USP9X: variants seen among roughly 807,000 people sequenced by gnomAD.
USP9X encodes the protein ubiquitin carboxyl-terminal hydrolase 9X.
USP9X carries 7 observed loss-of-function variants against 190.3 expected under a neutral mutation model. The observed-to-expected ratio is 0.04, with a 90% CI of 0.02 to 0.07. The LOEUF is 0.07. Ranked by LOEUF, USP9X falls within the 10% of genes least tolerant of loss-of-function variation. USP9X has a pLI of 1.00. For missense variants in USP9X, 1,010 were observed against 1,916.9 expected, an observed-to-expected ratio of 0.53 and a Z score of 8.83; for synonymous variants, 645 against 659.5, an observed-to-expected ratio of 0.98 and a Z score of 0.34.
chrX:41,152,898 A>T (rs140480447), intron 13 of USP9X, 50 bp from the exon 14 acceptor site: 3 of 1,162,677 alleles, frequency 2.6e-6, no homozygotes, highest in Non-Finnish European at 3.5e-6. Flanking sequence ...TCTTCTGGTT[A>T]CAACAGAGTT....
At chrX:41,127,342 G>A (rs1268519823) in intron 2 of USP9X, among the ~76,000 whole-genome samples, 1 of 111,703 alleles carries the variant, frequency 9.0e-6, no homozygotes, top group African/African-American at 3.3e-5. Context: ...AGAGACTTAT[G>A]TATAATTCCA....
rs3788876 is a variant in USP9X, at chrX:41,198,886, A to T, written c.4603+136A>T. On this transcript the variant is annotated intron_variant, in intron 30 of 44. Transcript: ENST00000378308. The stretch of plus-strand genomic sequence containing the variant: ...GTTTAACATTTTTAGTGAGTGAATG[A>T]ACAGTTAAGACCATTATAGGCCGGG... 75,552 of 632,938 alleles carry T rather than the reference A, an allele frequency of 0.12. 3,847 individuals carry two copies. The highest frequency in any genetic ancestry group is 0.25 in the Admixed American group (7,487 of 29,842). The allele number at this position is 632,938 out of a possible 1,213,427, so 52.2% of individuals were successfully genotyped here.
chrX:41,219,370 C>T, intron 38 of USP9X, 139 bp downstream of exon 38: 1 of 592,812 alleles, frequency 1.7e-6, no homozygotes. Flanking sequence ...TTTATCTGAA[C>T]ATGGCACTTT....
intron 22 of USP9X, 25 bp from the exon 23 acceptor site, chrX:41,184,372 C>G (rs1038323425): frequency 8.9e-5 from 106 of 1,190,072 alleles, no homozygotes; most frequent in Non-Finnish European, 1.1e-4. Context: ...ATACAGCCCT[C>G]TCCCCCTCTT....
At chrX:41,187,186 C>A (rs542030564) in intron 24 of USP9X, among the ~76,000 whole-genome samples, 1 of 112,143 alleles carries the variant, frequency 8.9e-6, no homozygotes. Context: ...CGGTCGAAAC[C>A]GAATGTTTTC....
chrX:41,119,691 G>A (rs1017452260), intron 1 of USP9X, among the ~76,000 whole-genome samples: 1 of 112,627 alleles, frequency 8.9e-6, no homozygotes, highest in Non-Finnish European at 1.9e-5. Flanking sequence ...TTAGCCAGGT[G>A]TGGCAGCACG....
chrX:41,134,949 A>G, intron 5 of USP9X, 112 bp downstream of exon 5: 5 of 553,442 alleles, frequency 9.0e-6, no homozygotes, highest in Non-Finnish European at 1.1e-5. Context: ...TAATTGAATT[A>G]AAAGGTCTAA....
At chrX:41,195,869 CCA>C (rs1384946667) in intron 26 of USP9X, 1 of 331,041 alleles carries the variant, frequency 3.0e-6, no homozygotes, top group South Asian at 2.7e-5. Flanking sequence ...TACAGAATTT[CCA>C]CAGAGCTGTT....
At chrX:41,189,642 G>C (rs2062913420) in intron 26 of USP9X, 167 bp downstream of exon 26, 2 of 415,940 alleles carry the variant, frequency 4.8e-6, no homozygotes, top group East Asian at 8.3e-5. Context: ...TAAATGTTTG[G>C]TTTTAGTCTC....
intron 14 of USP9X, among the ~76,000 whole-genome samples, chrX:41,154,001 C>T (rs186330583): frequency 5.3e-4 from 59 of 111,706 alleles, no homozygotes; most frequent in African/African-American, 1.8e-3. Flanking sequence ...AAAATCCCCT[C>T]GTGCTTAAGA....
At position 41,151,076 on chromosome X, in the gene USP9X, G is replaced by A; in HGVS notation, c.1763+19G>A. 1 of 1,176,494 alleles carries A rather than the reference G, an allele frequency of 8.5e-7. No homozygotes were observed. Among genetic ancestry groups the A allele is most frequent in the Non-Finnish European group, 1.1e-6 (1 of 877,884 alleles). The stretch of plus-strand genomic sequence containing the variant: ...ATTTGAGGTAAGACTTTTTAACATA[G>A]AAAATTTCAATACTTAAAATTTATG... On this transcript the variant is annotated intron_variant, in intron 13 of 44. Transcript: ENST00000378308.
Position 41,218,436 on chromosome X carries a change from G to A in USP9X, c.6274G>A (p.Val2092Ile). ...TGTACGTTTTTGGTTTGCTCATAAC[G>A]TCCTTTTTAATGTTTCAAATCGCTT... ...KNVRFWFAHN[V>I]LFNVSNRFSE... Residue 2092 changes from valine to isoleucine, a missense_variant, in exon 37 of 45, where the codon GTC becomes ATC. Val to Ile is a conservative substitution (Grantham distance 29). Coordinates refer to ENST00000378308, the MANE Select transcript of USP9X (RefSeq NM_001039591.3). 2.5e-6 allele frequency: 3 copies of A among 1,211,337 alleles called. No homozygotes were observed. Among genetic ancestry groups the A allele is most frequent in the Non-Finnish European group, 3.4e-6 (3 of 895,451 alleles).
intron 33 of USP9X, among the ~76,000 whole-genome samples, chrX:41,210,987 TTTTC>T (rs1192052742): frequency 4.5e-5 from 5 of 110,890 alleles, no homozygotes; most frequent in East Asian, 2.8e-4. Context: ...TTCTCTTTTT[TTTTC>T]TTTCTTTCTT....
rs5963227 is a variant in USP9X, at chrX:41,112,320, G to A, written c.-158-11151G>A. ...TTCCCTGTTGTTTCCTTTTCTCCCC[G>A]TTTGAATTTATAGAGAACAACAGAT... On this transcript the variant is annotated intron_variant, in intron 1 of 44. Transcript: ENST00000378308. Among the ~76,000 whole-genome samples, 314 of 112,062 alleles carry A rather than the reference G, an allele frequency of 2.8e-3. 1 individual carries two copies. Among genetic ancestry groups the A allele is most frequent in the African/African-American group, 9.7e-3 (300 of 30,887 alleles).
chrX:41,225,163 A>G, intron 41 of USP9X, 26 bp downstream of exon 41: 1 of 1,182,948 alleles, frequency 8.5e-7, no homozygotes. Context: ...GTGACTGGAA[A>G]CAATTAGGCT....
intron 38 of USP9X, 50 bp downstream of exon 38, chrX:41,219,281 T>C: frequency 2.7e-6 from 3 of 1,129,781 alleles, no homozygotes; most frequent in Non-Finnish European, 3.6e-6. Flanking sequence ...CATATTAAAT[T>C]GTGAAGTCAT....
chrX:41,214,893 T>C (rs2063198505), intron 34 of USP9X, among the ~76,000 whole-genome samples, 184 bp downstream of exon 34: 1 of 112,241 alleles, frequency 8.9e-6, no homozygotes, highest in Non-Finnish European at 1.9e-5. Flanking sequence ...AAAAAAGTAG[T>C]GCCAAAGGGG....
intron 23 of USP9X, among the ~76,000 whole-genome samples, chrX:41,186,227 C>T (rs953989329): frequency 3.2e-4 from 36 of 110,911 alleles, no homozygotes; most frequent in African/African-American, 1.1e-3. Context: ...AGAAGGGAAC[C>T]AGTCTATTTA....
At chrX:41,091,950 A>G (rs766891896) in intron 1 of USP9X, among the ~76,000 whole-genome samples, 37 of 112,361 alleles carry the variant, frequency 3.3e-4, no homozygotes, top group African/African-American at 1.2e-3. Flanking sequence ...CAGAGCACCT[A>G]GAATAATACT....
Sources: gnomAD v4.1 joint callset for allele counts (sites outside exome capture counted in the v4.1 genomes callset) on GRCh38, gnomAD v4.1.1 for gene constraint, MANE v1.5 for transcripts, NCBI Gene and HGNC (gene_info 2026-07-23, HGNC 2026-07-21) for gene names.